Variants in WNT3 observed in about 807,000 individuals in gnomAD.
WNT3 encodes the protein proto-oncogene Wnt-3.
Under a neutral mutation model 34.2 loss-of-function variants are expected in WNT3, and 7 were observed. The ratio of observed to expected loss-of-function variants is 0.20; its 90% CI spans 0.12 to 0.38. The LOEUF (loss-of-function observed/expected upper bound fraction) is 0.38, where lower values mean the gene tolerates loss of function less well. Ranked by LOEUF, WNT3 falls within the 10% of genes least tolerant of loss-of-function variation. The pLI, the probability that WNT3 is intolerant of heterozygous loss-of-function variation, is 1.00. For synonymous variants in WNT3, 212 were observed against 211.5 expected, an observed-to-expected ratio of 1.00 and a Z score of -0.02; for missense variants, 267 against 499.8, an observed-to-expected ratio of 0.53 and a Z score of 4.44.
chr17:46,816,361 C>T (rs1161913287), intron 1 of WNT3, among the ~76,000 whole-genome samples: 1 of 152,126 alleles, frequency 6.6e-6, no homozygotes, highest in Non-Finnish European at 1.5e-5. Flanking sequence ...TCCCCCAACA[C>T]GCCCACACGA....
At chr17:46,771,696 C>G (rs914211400) in intron 2 of WNT3, among the ~76,000 whole-genome samples, 1 of 143,772 alleles carries the variant, frequency 7.0e-6, no homozygotes, top group African/African-American at 2.5e-5. Context: ...GCTCCCGCGG[C>G]CGGGCCGCGC....
chr17:46,765,052 G>A (rs749003554), intron 4 of WNT3, among the ~76,000 whole-genome samples: 1 of 152,254 alleles, frequency 6.6e-6, no homozygotes, highest in African/African-American at 2.4e-5. Context: ...TGTCCAAATG[G>A]GAGAGAGCCT....
intron 1 of WNT3, among the ~76,000 whole-genome samples, chr17:46,817,399 T>C (rs546162332): frequency 1.4e-3 from 208 of 152,134 alleles, no homozygotes; most frequent in African/African-American, 4.8e-3. Flanking sequence ...GGCTCTCCTA[T>C]GTCCAGGAGG....
At chr17:46,784,150 C>T (rs1037612328) in intron 1 of WNT3, among the ~76,000 whole-genome samples, 1 of 151,984 alleles carries the variant, frequency 6.6e-6, no homozygotes, top group Non-Finnish European at 1.5e-5. Flanking sequence ...CAGGAACAGA[C>T]AGGAAGCTGT....
chr17:46,784,829 G>A (rs1228465231), intron 1 of WNT3, among the ~76,000 whole-genome samples: 2 of 147,624 alleles, frequency 1.4e-5, no homozygotes, highest in African/African-American at 5.0e-5. Context: ...AGGCTGGAGT[G>A]CAGTGGCGCG....
chr17:46,785,934 C>T (rs2059501305), intron 1 of WNT3, among the ~76,000 whole-genome samples: 1 of 152,224 alleles, frequency 6.6e-6, no homozygotes, highest in South Asian at 2.1e-4. Flanking sequence ...GGAGCGCCTG[C>T]CTGCGGCTCT....
intron 1 of WNT3, among the ~76,000 whole-genome samples, chr17:46,805,055 C>G (rs574617864): frequency 6.6e-6 from 1 of 151,974 alleles, no homozygotes; most frequent in South Asian, 2.1e-4. Flanking sequence ...TAACACTCAC[C>G]GCAAAGGTAC....
intron 1 of WNT3, among the ~76,000 whole-genome samples, chr17:46,816,483 A>G (rs139267799): frequency 0.15 from 14,347 of 95,366 alleles, 757 homozygotes; most frequent in Admixed American, 0.19. Context: ...ACGCACACAC[A>G]CACACACACA....
At chr17:46,803,937 C>T (rs1011270877) in intron 1 of WNT3, among the ~76,000 whole-genome samples, 8 of 152,192 alleles carry the variant, frequency 5.3e-5, no homozygotes, top group African/African-American at 9.7e-5. Context: ...CCCTGAGGAC[C>T]CAGCATGCCT....
At chr17:46,801,917 G>C (rs2084130510) in intron 1 of WNT3, among the ~76,000 whole-genome samples, 1 of 152,192 alleles carries the variant, frequency 6.6e-6, no homozygotes, top group Admixed American at 6.5e-5. Context: ...AGGCCTGGCT[G>C]TAGCATTGAG....
intron 1 of WNT3, among the ~76,000 whole-genome samples, chr17:46,774,940 GC>G (rs896638679): frequency 6.6e-6 from 1 of 152,146 alleles, no homozygotes; most frequent in African/African-American, 2.4e-5. Context: ...GGAAGAAGGG[GC>G]CCATCTCCTC....
intron 1 of WNT3, among the ~76,000 whole-genome samples, chr17:46,816,467 GAACA>G (rs1488269804): frequency 9.1e-6 from 1 of 109,510 alleles, no homozygotes; most frequent in East Asian, 3.4e-4. Flanking sequence ...CATAGACCCA[GAACA>G]CACGCACACA....
intron 4 of WNT3, among the ~76,000 whole-genome samples, 184 bp from the exon 5 acceptor site, chr17:46,764,805 G>A (rs1323294752): frequency 6.6e-6 from 1 of 152,174 alleles, no homozygotes; most frequent in Non-Finnish European, 1.5e-5. Flanking sequence ...GAGGGAGGTC[G>A]TATGAGTCAC....
At chr17:46,806,320 CT>C (rs1420160360) in intron 1 of WNT3, among the ~76,000 whole-genome samples, 1 of 144,694 alleles carries the variant, frequency 6.9e-6, no homozygotes, top group Non-Finnish European at 1.5e-5. Context: ...AGCGATTCTC[CT>C]TTCTCAGCCT....
intron 1 of WNT3, among the ~76,000 whole-genome samples, chr17:46,810,908 C>T (rs979939987): frequency 1.3e-5 from 2 of 152,138 alleles, no homozygotes; most frequent in Admixed American, 6.5e-5. Context: ...GGAAGCCGCC[C>T]ACCTCCTCAC....
chr17:46,794,761 T>C (rs1201489592), intron 1 of WNT3, among the ~76,000 whole-genome samples: 1 of 150,570 alleles, frequency 6.6e-6, no homozygotes, highest in East Asian at 1.9e-4. Flanking sequence ...TCTTTTTTTT[T>C]TTTTTTTTTA....
chr17:46,785,096 A>G (rs905992698), intron 1 of WNT3, among the ~76,000 whole-genome samples: 3 of 151,894 alleles, frequency 2.0e-5, no homozygotes, highest in Non-Finnish European at 4.4e-5. Flanking sequence ...TGCTTTTCTT[A>G]TGATGCATCC....
chr17:46,795,896 G>A lies in WNT3; in HGVS notation c.81-21987C>T, dbSNP rs185589948. Among the ~76,000 whole-genome samples, 4 of 151,974 alleles carry A rather than the reference G, an allele frequency of 2.6e-5. No individual in the cohort carries two copies. In the East Asian group the frequency reaches 7.7e-4, roughly 29 times the overall value. On this transcript the variant is annotated intron_variant, in intron 1 of 4. Coordinates refer to ENST00000225512, the MANE Select transcript of WNT3 (RefSeq NM_030753.5). ...CTCTCTCTCTCACACACACACACAT[G>A]CATGCACGCACACACACGTGTGCAC...
At chr17:46,807,400 T>G (rs1355058665) in intron 1 of WNT3, among the ~76,000 whole-genome samples, 1 of 152,158 alleles carries the variant, frequency 6.6e-6, no homozygotes, top group Admixed American at 6.6e-5. Context: ...GAGAATTGCT[T>G]GAACCCGGGA....
Sources: gnomAD v4.1 joint callset for allele counts (sites outside exome capture counted in the v4.1 genomes callset) on GRCh38, gnomAD v4.1.1 for gene constraint, MANE v1.5 for transcripts, NCBI Gene and HGNC (gene_info 2026-07-23, HGNC 2026-07-21) for gene names.